Variants in RIC1 observed in about 807,000 individuals in gnomAD.
The protein encoded by RIC1 is RIC1 partner of RAB6A GEF complex.
A neutral mutation model predicts 169.0 loss-of-function variants in RIC1; 88 were observed. That is an observed-to-expected ratio of 0.52 (90% CI 0.44 to 0.62). The LOEUF (loss-of-function observed/expected upper bound fraction) is 0.62. Among genes scored for constraint, RIC1 ranks in the 20% least tolerant of loss-of-function variants. The pLI, the probability that RIC1 is intolerant of heterozygous loss-of-function variation, is 0.00. For synonymous variants in RIC1, 790 were observed against 601.5 expected (o/e 1.31, Z -4.59); for missense variants, 1,877 against 1,725.5 (o/e 1.09, Z -1.56).
intron 2 of RIC1, among the ~76,000 whole-genome samples, chr9:5,664,445 C>A (rs1456031117): frequency 6.6e-6 from 1 of 152,018 alleles, no homozygotes; most frequent in African/African-American, 2.4e-5. Flanking sequence ...TGGCCCCAAT[C>A]TCTTCTGGCT....
At chr9:5,675,480 T>C (rs951792851) in intron 2 of RIC1, among the ~76,000 whole-genome samples, 1 of 152,204 alleles carries the variant, frequency 6.6e-6, no homozygotes, top group African/African-American at 2.4e-5. Context: ...AAATAAAAAT[T>C]AGATTTTCAG....
intron 1 of RIC1, among the ~76,000 whole-genome samples, chr9:5,638,568 G>A (rs1818085635): frequency 6.6e-6 from 1 of 152,174 alleles, no homozygotes; most frequent in Non-Finnish European, 1.5e-5. Flanking sequence ...AATCTTGGTA[G>A]GTTGTATGTG....
At chr9:5,769,519 C>G (rs1200814634) in intron 22 of RIC1, 4 of 1,258,420 alleles carry the variant, frequency 3.2e-6, no homozygotes, top group Non-Finnish European at 4.2e-6. Flanking sequence ...AAGTTGAGAA[C>G]TGCCTGAATA....
intron 2 of RIC1, among the ~76,000 whole-genome samples, chr9:5,664,542 A>G (rs763473915): frequency 2.0e-5 from 3 of 152,082 alleles, no homozygotes; most frequent in Non-Finnish European, 4.4e-5. Context: ...ACTGCCCTTA[A>G]CATTTTTCTT....
intron 2 of RIC1, among the ~76,000 whole-genome samples, chr9:5,667,692 A>G (rs1403855761): frequency 1.3e-5 from 2 of 151,844 alleles, no homozygotes; most frequent in Non-Finnish European, 2.9e-5. Context: ...TTTTGTAGAG[A>G]TGTGATCTCA....
intron 2 of RIC1, among the ~76,000 whole-genome samples, chr9:5,675,737 A>G (rs552185447): frequency 2.0e-5 from 3 of 152,372 alleles, no homozygotes; most frequent in African/African-American, 7.2e-5. Flanking sequence ...TACAAATAAC[A>G]TGGAGGAATC....
At chr9:5,634,017 C>G (rs1460964721) in intron 1 of RIC1, among the ~76,000 whole-genome samples, 2 of 152,052 alleles carry the variant, frequency 1.3e-5, no homozygotes, top group African/African-American at 4.8e-5. Flanking sequence ...ACTTAGTATA[C>G]TGTCCTTAAG....
intron 1 of RIC1, among the ~76,000 whole-genome samples, chr9:5,637,543 T>A (rs946563240): frequency 5.3e-5 from 8 of 152,340 alleles, no homozygotes; most frequent in Admixed American, 2.6e-4. Flanking sequence ...TGCTATCAAA[T>A]ACTAGGTCAT....
At chr9:5,698,756 G>C (rs1030580078) in intron 3 of RIC1, among the ~76,000 whole-genome samples, 20 of 152,190 alleles carry the variant, frequency 1.3e-4, no homozygotes, top group African/African-American at 4.6e-4. Context: ...AGAAAAATGA[G>C]TGATTAGATT....
At chr9:5,740,093 C>A (rs1824982956) in intron 8 of RIC1, among the ~76,000 whole-genome samples, 1 of 152,194 alleles carries the variant, frequency 6.6e-6, no homozygotes, top group Non-Finnish European at 1.5e-5. Flanking sequence ...TTTCTTTCAT[C>A]ACCTTGTTCA....
chr9:5,709,500 T>C (rs183524824), intron 3 of RIC1, among the ~76,000 whole-genome samples: 250 of 152,336 alleles, frequency 1.6e-3, no homozygotes, highest in Middle Eastern at 6.8e-3. Flanking sequence ...AAAGTGGAGA[T>C]AATTCCTGTC....
intron 1 of RIC1, among the ~76,000 whole-genome samples, chr9:5,644,907 C>T (rs1818426405): frequency 6.6e-6 from 1 of 152,178 alleles, no homozygotes; most frequent in Non-Finnish European, 1.5e-5. Flanking sequence ...TTTCTCCACA[C>T]CCGTTCTAGA....
In RIC1 at chr9:5,674,628, A is replaced by G. The variant is rs1305182310; in HGVS notation, c.253-15331A>G. Among the ~76,000 whole-genome samples the G allele has an allele frequency of 3.9e-5, 6 of 152,332 alleles. No individual in the cohort carries two copies. In the South Asian group the frequency reaches 8.3e-4, roughly 21 times the overall value. ...AAAAGGTTAGGTTACCTACTCCACA[A>G]GTAGCTACTTATGTTCACCATATCT... On this transcript the variant is annotated intron_variant, in intron 2 of 25. Coordinates refer to ENST00000414202, the MANE Select transcript of RIC1 (RefSeq NM_020829.4).
At chr9:5,631,424 C>G (rs1460027300) in intron 1 of RIC1, among the ~76,000 whole-genome samples, 1 of 152,100 alleles carries the variant, frequency 6.6e-6, no homozygotes, top group South Asian at 2.1e-4. Flanking sequence ...TAACCTTGGT[C>G]TCTGGGCACC....
intron 8 of RIC1, 71 bp downstream of exon 8, chr9:5,738,609 G>C: frequency 2.2e-6 from 2 of 901,016 alleles, no homozygotes; most frequent in East Asian, 5.6e-5. Context: ...AGCAGATGCT[G>C]ATTTTAAGTT....
At chr9:5,720,387 C>A in intron 5 of RIC1, 63 bp downstream of exon 5, 2 of 1,478,354 alleles carry the variant, frequency 1.4e-6, no homozygotes, top group Non-Finnish European at 9.3e-7. Flanking sequence ...AGTTAGGTAT[C>A]TTCTATGGAT....
intron 3 of RIC1, among the ~76,000 whole-genome samples, chr9:5,712,290 T>C (rs1270282545): frequency 6.6e-6 from 1 of 152,228 alleles, no homozygotes; most frequent in Non-Finnish European, 1.5e-5. Flanking sequence ...AGATGGTATC[T>C]CATTGTGGTT....
rs1359087548 is a variant in RIC1 at position 5,720,600 on chromosome 9, A to AT, written c.584-7dup. 4 of 1,574,202 alleles carry AT rather than the reference A, an allele frequency of 2.5e-6. No individual in the cohort carries two copies. Among genetic ancestry groups the AT allele is most frequent in the Non-Finnish European group, 3.4e-6 (4 of 1,167,780 alleles). ...ATTCTTAATCCTATTTCATGTGCTT[A>AT]TTTTTTTCATCAGTAGGTTCATTCC... On this transcript the variant is annotated splice_polypyrimidine_tract_variant and intron_variant, in intron 5 of 25. Coordinates refer to ENST00000414202, the MANE Select transcript of RIC1 (RefSeq NM_020829.4).
At chr9:5,690,332 G>C (rs1033092453) in intron 3 of RIC1, among the ~76,000 whole-genome samples, 6 of 152,056 alleles carry the variant, frequency 3.9e-5, no homozygotes, top group Non-Finnish European at 8.8e-5. Context: ...AGAGCTAAGA[G>C]ATCATGAGAG....
Sources: allele counts gnomAD v4.1 joint callset (sites outside exome capture counted in the v4.1 genomes callset), GRCh38; gene constraint gnomAD v4.1.1; transcripts MANE v1.5; gene names NCBI Gene and HGNC (gene_info 2026-07-23, HGNC 2026-07-21).